The following ENKUR variants were observed in gnomAD, a reference collection of about 807,000 sequenced individuals.
ENKUR encodes enkurin.
A neutral mutation model predicts 27.6 loss-of-function variants in ENKUR; 19 were observed. The ratio of observed to expected loss-of-function variants is 0.69; its 90% CI spans 0.48 to 1.01. The LOEUF is 1.01. ENKUR is among the 50% of genes least tolerant of loss of function. The probability of loss-of-function intolerance (pLI) is 0.00; values close to 1 mark genes in which losing one functional copy is unlikely to be tolerated. For missense variants in ENKUR, 312 were observed against 310.5 expected, an observed-to-expected ratio of 1.00 and a Z score of -0.04; for synonymous variants, 117 against 96.9, an observed-to-expected ratio of 1.21 and a Z score of -1.22.
chr10:25,012,963 G>T (rs1850484459), intron 1 of ENKUR, among the ~76,000 whole-genome samples: 1 of 152,152 alleles, frequency 6.6e-6, no homozygotes, highest in South Asian at 2.1e-4. Flanking sequence ...GTCATGGGAG[G>T]GATCTGGTGA....
intron 2 of ENKUR, chr10:25,021,607 A>G (rs886810291): frequency 6.6e-6 from 1 of 152,250 alleles, no homozygotes; most frequent in African/African-American, 2.4e-5. Flanking sequence ...AGATTTGGGG[A>G]AACATATGAA....
intron 2 of ENKUR, among the ~76,000 whole-genome samples, chr10:24,998,356 TTC>T (rs1375404608): frequency 1.3e-3 from 118 of 88,958 alleles, no homozygotes; most frequent in Admixed American, 1.2e-3. Flanking sequence ...CCTTCCTTCC[TTC>T]CTCTCTCTCT....
intron 2 of ENKUR, among the ~76,000 whole-genome samples, chr10:25,031,795 A>G (rs1850938313): frequency 7.3e-6 from 1 of 136,714 alleles, no homozygotes; most frequent in Non-Finnish European, 1.5e-5. Flanking sequence ...CATGGATACA[A>G]AAGTCTTTTT....
intron 1 of ENKUR, 120 bp downstream of exon 1, chr10:25,015,740 A>T: frequency 2.2e-6 from 2 of 890,786 alleles, no homozygotes; most frequent in Non-Finnish European, 3.1e-6. Context: ...CTCCAAGGCT[A>T]CTTCATCGAG....
intron 1 of ENKUR, among the ~76,000 whole-genome samples, chr10:25,004,433 G>T (rs1162659112): frequency 6.6e-6 from 1 of 151,778 alleles, no homozygotes; most frequent in Admixed American, 6.6e-5. Context: ...AACCTCACCA[G>T]TATCTTTTGA....
chr10:24,999,320 T>C (rs1050659626), intron 2 of ENKUR, 81 bp downstream of exon 2: 5 of 1,375,682 alleles, frequency 3.6e-6, no homozygotes, highest in Non-Finnish European at 5.0e-6. Flanking sequence ...TGTGCATGTT[T>C]AATATTCATC....
At chr10:24,988,745 A>G (rs1849856751) in intron 4 of ENKUR, among the ~76,000 whole-genome samples, 1 of 143,418 alleles carries the variant, frequency 7.0e-6, no homozygotes, top group South Asian at 2.2e-4. Flanking sequence ...TTTAAAAATG[A>G]GAAGTTTGGA....
At chr10:25,054,081 A>G (rs1178243010) in intron 2 of ENKUR, among the ~76,000 whole-genome samples, 1 of 152,182 alleles carries the variant, frequency 6.6e-6, no homozygotes, top group African/African-American at 2.4e-5. Flanking sequence ...TGCAAACGTA[A>G]TGCATGCTCA....
At chr10:24,989,282 C>T (rs1052656016) in intron 4 of ENKUR, among the ~76,000 whole-genome samples, 2 of 152,304 alleles carry the variant, frequency 1.3e-5, no homozygotes, top group East Asian at 1.9e-4. Context: ...TGCCTGTCTG[C>T]CTTCCTCCTT....
rs115627946 is a variant in ENKUR, at chr10:25,039,195, T to C, written c.37+21917A>G. Among the ~76,000 whole-genome samples the C allele has an allele frequency of 5.1e-3, 776 of 152,354 alleles. 5 individuals carry two copies. The highest frequency in any genetic ancestry group is 0.018 in the African/African-American group (735 of 41,578). On this transcript the variant is annotated intron_variant, in intron 2 of 5. Coordinates refer to the ENKUR transcript ENST00000615958. ...TATAATAGGATCTTGGTGACTGATA[T>C]CCACTTGGAAATCAAATTCATTAAG...
intron 2 of ENKUR, among the ~76,000 whole-genome samples, chr10:25,041,355 T>A (rs1791710723): frequency 6.6e-6 from 1 of 152,210 alleles, no homozygotes; most frequent in African/African-American, 2.4e-5. Context: ...AATTTTCATA[T>A]GTCTAGCCAT....
Position 24,995,712 on chromosome 10 carries a change from AT to A in ENKUR, c.380del (p.Asp127ValfsTer15). Reference sequence around the variant, plus strand: ...GATCATGCTTGTCTCCAGTTCTTTTATCAACATAAATTGGTTTAGGCTTTTT... The same window carrying A: ...GATCATGCTTGTCTCCAGTTCTTTTACAACATAAATTGGTTTAGGCTTTTT... ...VAKKPKPIYV[D>X]KRTGDKHDLE... On this transcript the variant is annotated frameshift_variant, in exon 3 of 6. Transcript: ENST00000331161. LOFTEE classifies it high-confidence loss of function. 6.2e-7 allele frequency: 1 copy of A among 1,614,072 alleles called. No homozygotes were observed. Among genetic ancestry groups the A allele is most frequent in the South Asian group, 1.1e-5 (1 of 91,054 alleles).
intron 2 of ENKUR, chr10:25,025,779 T>C (rs1850839182): frequency 8.9e-6 from 2 of 225,314 alleles, no homozygotes; most frequent in Non-Finnish European, 1.9e-5. Context: ...TATTTGGCGA[T>C]TAAAATATTT....
chr10:24,985,927 G>T (rs538259143), intron 4 of ENKUR, among the ~76,000 whole-genome samples: 113 of 152,268 alleles, frequency 7.4e-4, no homozygotes, highest in Non-Finnish European at 1.0e-4. Flanking sequence ...AAATAGCCAG[G>T]TGTGGTAGCA....
intron 2 of ENKUR, chr10:25,024,281 T>C: frequency 6.2e-7 from 1 of 1,614,224 alleles, no homozygotes; most frequent in Non-Finnish European, 8.5e-7. Context: ...TTTAAAGATT[T>C]GTCTTTACAG....
chr10:24,995,190 A>G (rs527358959), intron 3 of ENKUR, among the ~76,000 whole-genome samples: 2 of 152,352 alleles, frequency 1.3e-5, no homozygotes, highest in South Asian at 2.1e-4. Context: ...TGAATTATTT[A>G]TACTACACTG....
At chr10:25,046,057 C>G (rs1224210838) in intron 2 of ENKUR, among the ~76,000 whole-genome samples, 1 of 152,106 alleles carries the variant, frequency 6.6e-6, no homozygotes, top group Non-Finnish European at 1.5e-5. Context: ...TTCTCATTAT[C>G]CTTTTTGTCA....
chr10:25,019,997 A>G (rs1850685478), upstream of ENKUR, among the ~76,000 whole-genome samples: 1 of 152,188 alleles, frequency 6.6e-6, no homozygotes, highest in Non-Finnish European at 1.5e-5. Flanking sequence ...CAAAAAAGAA[A>G]TGAGGATGTC....
chr10:25,003,545 A>T (rs955589488), intron 1 of ENKUR, among the ~76,000 whole-genome samples: 2 of 152,218 alleles, frequency 1.3e-5, no homozygotes, highest in African/African-American at 4.8e-5. Flanking sequence ...CTAGATTTTT[A>T]AAACTTAATA....
Sources: allele counts gnomAD v4.1 joint callset (sites outside exome capture counted in the v4.1 genomes callset), GRCh38; gene constraint gnomAD v4.1.1; transcripts MANE v1.5; gene names NCBI Gene and HGNC (gene_info 2026-07-23, HGNC 2026-07-21).